The following NHS variants were observed in gnomAD, a reference collection of about 807,000 sequenced individuals.
NHS encodes the protein actin remodeling regulator NHS.
A neutral mutation model predicts 72.5 loss-of-function variants in NHS; 5 were observed. That is an observed-to-expected ratio of 0.07 (90% CI 0.04 to 0.14). NHS has a LOEUF of 0.14. Among genes scored for constraint, NHS ranks in the 10% least tolerant of loss-of-function variants. The pLI is 1.00. For synonymous variants in NHS, 464 were observed against 547.7 expected (o/e 0.85, Z 2.13); for missense variants, 1,072 against 1,355.7 (o/e 0.79, Z 3.29).
chrX:17,375,327 G>A lies in NHS; in HGVS notation c.-431G>A. On this transcript the variant is annotated 5_prime_UTR_variant, in exon 1 of 9. Transcript: ENST00000676302. The stretch of plus-strand genomic sequence containing the variant: ...CCGGGGTACTTTCAAACTGAGGCGC[G>A]CGCACACACTCACACCCACCCACCC... The A allele has an allele frequency of 3.3e-6, 1 of 301,747 alleles. No homozygotes were observed. The highest frequency in any genetic ancestry group is 2.7e-5 in the African/African-American group (1 of 37,098). 24.9% of individuals were successfully genotyped at this position (301,747 alleles called of 1,213,427 possible).
intron 2 of NHS, among the ~76,000 whole-genome samples, chrX:17,690,564 C>G (rs1314360033): frequency 8.9e-6 from 1 of 112,096 alleles, no homozygotes; most frequent in African/African-American, 3.2e-5. Flanking sequence ...AGCAAACCCC[C>G]CAACAAATTT....
chrX:17,604,414 T>C (rs1243001560), intron 1 of NHS, among the ~76,000 whole-genome samples: 2 of 112,595 alleles, frequency 1.8e-5, no homozygotes, highest in Non-Finnish European at 3.8e-5. Flanking sequence ...TTTTCTAAAC[T>C]CATTGGAAGA....
intron 1 of NHS, among the ~76,000 whole-genome samples, chrX:17,600,028 C>G (rs1453628724): frequency 9.0e-6 from 1 of 111,243 alleles, no homozygotes; most frequent in Non-Finnish European, 1.9e-5. Context: ...AAAGCAAGCC[C>G]AATAAATGCC....
chrX:17,500,082 C>G (rs112310379), intron 1 of NHS, among the ~76,000 whole-genome samples: 15 of 112,531 alleles, frequency 1.3e-4, no homozygotes, highest in African/African-American at 4.5e-4. Context: ...CTGTTTTAAT[C>G]TTAATCCTGG....
intron 1 of NHS, among the ~76,000 whole-genome samples, chrX:17,387,930 A>C (rs1296846980): frequency 8.9e-6 from 1 of 112,717 alleles, no homozygotes; most frequent in Non-Finnish European, 1.9e-5. Flanking sequence ...TGATACTATA[A>C]TTGGATCAGA....
chrX:17,550,737 A>G (rs1034868352), intron 1 of NHS, among the ~76,000 whole-genome samples: 2 of 111,933 alleles, frequency 1.8e-5, no homozygotes, highest in Non-Finnish European at 3.8e-5. Flanking sequence ...TTTTGCATAC[A>G]ACTGCTAGGA....
intron 1 of NHS, among the ~76,000 whole-genome samples, chrX:17,399,170 C>T (rs1001586107): frequency 7.3e-5 from 8 of 109,777 alleles, no homozygotes; most frequent in African/African-American, 2.7e-4. Context: ...GGTACTATCT[C>T]AGCTTACTGC....
rs10616889 is a variant in NHS at position 17,429,224 on chromosome X, ATGTGTGTGTGTG to A, written c.565+52925_565+52936del. 1.0e-4 allele frequency among the ~76,000 whole-genome samples: 10 copies of A among 96,848 alleles called. No homozygotes were observed. In the East Asian group the frequency reaches 2.4e-3, roughly 23 times the overall value. 84.1% of individuals were successfully genotyped at this position (96,848 alleles called of 115,157 possible). A position where few individuals can be genotyped will look rare whatever the true frequency, so the allele number is the denominator to read the frequency against. On this transcript the variant is annotated intron_variant, in intron 1 of 8. Coordinates refer to ENST00000676302, the MANE Select transcript of NHS (RefSeq NM_001291867.2). ...TGCATCTGCCTGTGTGTACTGGGGG[ATGTGTGTGTGTG>A]TGTGTGTGTGTGTGTGTGTGTGCAC...
intron 1 of NHS, among the ~76,000 whole-genome samples, chrX:17,473,186 A>T (rs2064899612): frequency 8.9e-6 from 1 of 112,110 alleles, no homozygotes; most frequent in South Asian, 3.7e-4. Flanking sequence ...GGTAGATGGA[A>T]TTCTTTTTAA....
chrX:17,679,528 A>T (rs1273427332), intron 1 of NHS, among the ~76,000 whole-genome samples: 1 of 111,310 alleles, frequency 9.0e-6, no homozygotes, highest in Non-Finnish European at 1.9e-5. Context: ...GCAATCTAAG[A>T]TAGTCTGTGA....
At chrX:17,646,225 A>G (rs941680308) in intron 1 of NHS, among the ~76,000 whole-genome samples, 15 of 112,234 alleles carry the variant, frequency 1.3e-4, no homozygotes, top group African/African-American at 4.9e-4. Flanking sequence ...TACAGGCATG[A>G]GCCACCATGC....
chrX:17,402,418 A>G (rs1487024779), intron 1 of NHS, among the ~76,000 whole-genome samples: 1 of 112,449 alleles, frequency 8.9e-6, no homozygotes, highest in Non-Finnish European at 1.9e-5. Context: ...GATGTCCATC[A>G]ACCAATGAAT....
chrX:17,650,379 G>A (rs1298114923), intron 1 of NHS, among the ~76,000 whole-genome samples: 2 of 112,725 alleles, frequency 1.8e-5, no homozygotes, highest in Non-Finnish European at 3.8e-5. Context: ...GAAAGACGTA[G>A]AGAAAATTTT....
intron 1 of NHS, among the ~76,000 whole-genome samples, chrX:17,625,829 A>G (rs1043215241): frequency 1.8e-5 from 2 of 112,141 alleles, no homozygotes; most frequent in Non-Finnish European, 3.8e-5. Context: ...TAAATTATTA[A>G]TGAGATAGCT....
intron 1 of NHS, among the ~76,000 whole-genome samples, chrX:17,480,689 A>G (rs1211063532): frequency 1.8e-5 from 2 of 112,198 alleles, no homozygotes; most frequent in Non-Finnish European, 3.8e-5. Flanking sequence ...TAATTAATTT[A>G]AATTTAAACT....
At chrX:17,650,627 G>T (rs1190869663) in intron 1 of NHS, among the ~76,000 whole-genome samples, 1 of 111,816 alleles carries the variant, frequency 8.9e-6, no homozygotes, top group Non-Finnish European at 1.9e-5. Context: ...CAAAGACCAG[G>T]TCTAAAGCAC....
chrX:17,534,132 G>A (rs971498207), intron 1 of NHS, among the ~76,000 whole-genome samples: 2 of 103,891 alleles, frequency 1.9e-5, no homozygotes, highest in African/African-American at 3.7e-5. Context: ...GCATACACAC[G>A]TGTGTCTACT....
At chrX:17,635,191 T>C in intron 1 of NHS, 1 of 572,699 alleles carries the variant, frequency 1.7e-6, no homozygotes. Flanking sequence ...GTAGCAAGGC[T>C]GTAAAGAAGT....
At chrX:17,402,454 T>C (rs2064506906) in intron 1 of NHS, among the ~76,000 whole-genome samples, 1 of 112,238 alleles carries the variant, frequency 8.9e-6, no homozygotes, top group African/African-American at 3.2e-5. Flanking sequence ...GGGATATCCA[T>C]GCAATAAAAC....
Sources: allele counts gnomAD v4.1 joint callset (sites outside exome capture counted in the v4.1 genomes callset), GRCh38; gene constraint gnomAD v4.1.1; transcripts MANE v1.5; gene names NCBI Gene and HGNC (gene_info 2026-07-23, HGNC 2026-07-21).